Variants in CFDP1 observed in about 807,000 individuals in gnomAD.
CFDP1 encodes the protein chromatin remodeling protein CFDP1, also known as heterochromatin-stabilizing protein CFDP1.
CFDP1 carries 31 observed loss-of-function variants against 40.1 expected under a neutral mutation model. The observed-to-expected ratio is 0.77, with a 90% confidence interval of 0.58 to 1.04. The LOEUF is 1.04. Among genes scored for constraint, CFDP1 ranks in the 50% least tolerant of loss-of-function variants. The pLI, the probability that CFDP1 is intolerant of heterozygous loss-of-function variation, is 0.00. For missense variants in CFDP1, 423 were observed against 343.4 expected, an observed-to-expected ratio of 1.23 and a Z score of -1.83; for synonymous variants, 167 against 120.0, an observed-to-expected ratio of 1.39 and a Z score of -2.56.
chr16:75,314,131 C>T (rs766233626), intron 5 of CFDP1, among the ~76,000 whole-genome samples: 15 of 151,966 alleles, frequency 9.9e-5, no homozygotes, highest in Non-Finnish European at 2.2e-4. Context: ...GTGATCCTCC[C>T]GCCTCAGCCT....
intron 1 of CFDP1, among the ~76,000 whole-genome samples, chr16:75,429,658 T>C (rs1460796317): frequency 6.6e-6 from 1 of 151,860 alleles, no homozygotes; most frequent in Non-Finnish European, 1.5e-5. Context: ...TATCTCTAAA[T>C]AAATAAGTAA....
chr16:75,399,143 A>AG (rs2079026011), intron 4 of CFDP1, among the ~76,000 whole-genome samples: 1 of 152,008 alleles, frequency 6.6e-6, no homozygotes, highest in Non-Finnish European at 1.5e-5. Flanking sequence ...AGAGACCCTG[A>AG]GTAAGAACTG....
At chr16:75,343,527 G>C (rs1244513283) in intron 5 of CFDP1, among the ~76,000 whole-genome samples, 1 of 152,182 alleles carries the variant, frequency 6.6e-6, no homozygotes, top group Admixed American at 6.5e-5. Context: ...TAGAGAAAAT[G>C]TATGTGTATG....
chr16:75,431,874 T>C (rs2079422856), intron 1 of CFDP1, among the ~76,000 whole-genome samples: 1 of 128,754 alleles, frequency 7.8e-6, no homozygotes, highest in Non-Finnish European at 1.8e-5. Context: ...TGAGGAATAT[T>C]AAATAAAATA....
intron 4 of CFDP1, 112 bp downstream of exon 4, chr16:75,411,713 C>G (rs956784310): frequency 1.8e-6 from 2 of 1,125,360 alleles, no homozygotes; most frequent in Middle Eastern, 2.1e-4. Flanking sequence ...TCAAGTATAA[C>G]TCTCCCAAAA....
chr16:75,322,344 A>G, intron 5 of CFDP1, among the ~76,000 whole-genome samples: 1 of 152,278 alleles, frequency 6.6e-6, no homozygotes, highest in East Asian at 1.9e-4. Context: ...CCACTTAATA[A>G]ATTTTTATTT....
At chr16:75,386,854 T>C (rs2078902463) in intron 5 of CFDP1, among the ~76,000 whole-genome samples, 1 of 152,254 alleles carries the variant, frequency 6.6e-6, no homozygotes, top group South Asian at 2.1e-4. Context: ...AGACTCTCCA[T>C]TCATACTTAT....
In CFDP1 at chr16:75,396,033, T is replaced by G. The variant is rs1319429406; in HGVS notation, c.531-824A>C. 2.9e-5 allele frequency among the ~76,000 whole-genome samples: 3 copies of G among 103,046 alleles called. 1 individual carries two copies. Among genetic ancestry groups the G allele is most frequent in the African/African-American group, 8.7e-5 (3 of 34,548 alleles). 67.6% of individuals were successfully genotyped at this position (103,046 alleles called of 152,430 possible). A position where few individuals can be genotyped will look rare whatever the true frequency, so the allele number is the denominator to read the frequency against. On this transcript the variant is annotated intron_variant, in intron 4 of 6. Coordinates refer to ENST00000283882, the MANE Select transcript of CFDP1 (RefSeq NM_006324.3). ...ATCTCCCCTCCATGACTTCTCAGCATGAAACACACTGCAGCAGTCAATACT... is the reference window on the plus strand; with the variant it reads ...ATCTCCCCTCCATGACTTCTCAGCAGGAAACACACTGCAGCAGTCAATACT...
chr16:75,376,294 G>C (rs539147745), intron 5 of CFDP1, among the ~76,000 whole-genome samples: 1 of 152,170 alleles, frequency 6.6e-6, no homozygotes, highest in African/African-American at 2.4e-5. Flanking sequence ...AGGTATTTAG[G>C]TACCCAAGAT....
At position 75,412,060 on chromosome 16, in the gene CFDP1, A is replaced by G. The variant is rs2079168019; in HGVS notation, c.403-108T>C. On this transcript the variant is annotated intron_variant, in intron 3 of 6. Coordinates refer to ENST00000283882, the MANE Select transcript of CFDP1 (RefSeq NM_006324.3). ...AGATAGCGTCTCACTCTGTAGCCCA[A>G]GCTGGAGTGCAGTAACACAATCTTG... 6.9e-6 allele frequency: 8 copies of G among 1,164,104 alleles called. No homozygotes were observed. In the East Asian group the frequency reaches 2.1e-4, roughly 31 times the overall value. The allele number at this position is 1,164,104 out of a possible 1,614,324, so 72.1% of individuals were successfully genotyped here. A position where few individuals can be genotyped will look rare whatever the true frequency, so the allele number is the denominator to read the frequency against.
intron 1 of CFDP1, among the ~76,000 whole-genome samples, chr16:75,426,666 A>G (rs980606972): frequency 6.6e-6 from 1 of 151,820 alleles, no homozygotes; most frequent in South Asian, 2.1e-4. Context: ...ACAGAGCAAG[A>G]CTCTGTTTCA....
intron 5 of CFDP1, among the ~76,000 whole-genome samples, chr16:75,367,098 A>G (rs1385805187): frequency 1.4e-5 from 2 of 146,206 alleles, no homozygotes; most frequent in East Asian, 4.1e-4. Flanking sequence ...TGGGAGACAG[A>G]GGTTGCAGCG....
chr16:75,430,513 G>A (rs1009222873), intron 1 of CFDP1, among the ~76,000 whole-genome samples: 1 of 151,830 alleles, frequency 6.6e-6, no homozygotes, highest in Non-Finnish European at 1.5e-5. Context: ...TACCCAGGCT[G>A]GAGTGCAGAA....
intron 4 of CFDP1, among the ~76,000 whole-genome samples, chr16:75,402,954 G>T (rs1197800977): frequency 6.6e-6 from 1 of 151,940 alleles, no homozygotes; most frequent in Non-Finnish European, 1.5e-5. Flanking sequence ...AAAGTAATAA[G>T]CATGTATCAT....
intron 6 of CFDP1, among the ~76,000 whole-genome samples, chr16:75,302,925 G>T (rs755104702): frequency 1.1e-4 from 16 of 152,142 alleles, no homozygotes; most frequent in Non-Finnish European, 1.9e-4. Flanking sequence ...GCTGGGCGTG[G>T]TGGCTCACAC....
chr16:75,369,049 C>T (rs536425475), intron 5 of CFDP1, among the ~76,000 whole-genome samples: 138 of 152,112 alleles, frequency 9.1e-4, no homozygotes, highest in African/African-American at 3.0e-3. Context: ...TTTATGTGGC[C>T]AATCAGCTAA....
At chr16:75,315,680 T>C (rs1193090917) in intron 5 of CFDP1, among the ~76,000 whole-genome samples, 3 of 152,156 alleles carry the variant, frequency 2.0e-5, no homozygotes, top group African/African-American at 7.2e-5. Context: ...ACATATAACT[T>C]TTCTTTCTAT....
intron 4 of CFDP1, among the ~76,000 whole-genome samples, chr16:75,395,820 G>T (rs1025208401): frequency 4.6e-5 from 7 of 152,022 alleles, no homozygotes; most frequent in Non-Finnish European, 8.8e-5. Flanking sequence ...AAAGCAACAT[G>T]ACTGAGAATT....
chr16:75,393,588 G>A (rs923918436), intron 5 of CFDP1, among the ~76,000 whole-genome samples: 10 of 150,978 alleles, frequency 6.6e-5, no homozygotes, highest in Middle Eastern at 3.4e-3. Flanking sequence ...AAAATTAGCC[G>A]GGCGCGGTGG....
Sources: allele counts gnomAD v4.1 joint callset (sites outside exome capture counted in the v4.1 genomes callset), GRCh38; gene constraint gnomAD v4.1.1; transcripts MANE v1.5; gene names NCBI Gene and HGNC (gene_info 2026-07-23, HGNC 2026-07-21).